The following CACNA2D3 variants were observed in gnomAD, a reference collection of about 807,000 sequenced individuals.
CACNA2D3 encodes calcium voltage-gated channel auxiliary subunit alpha2delta 3.
A neutral mutation model predicts 160.6 loss-of-function variants in CACNA2D3; 60 were observed. The ratio of observed to expected loss-of-function variants is 0.37; its 90% CI spans 0.30 to 0.46. The LOEUF (loss-of-function observed/expected upper bound fraction) is 0.46, where lower values mean the gene tolerates loss of function less well. Ranked by LOEUF, CACNA2D3 falls within the 20% of genes least tolerant of loss-of-function variation. The pLI is 1.00. For synonymous variants in CACNA2D3, 558 were observed against 492.9 expected (o/e 1.13, Z -1.75); for missense variants, 1,205 against 1,365.0 (o/e 0.88, Z 1.85).
chr3:54,407,253 T>C (rs529887262), intron 4 of CACNA2D3, among the ~76,000 whole-genome samples: 128 of 152,278 alleles, frequency 8.4e-4, no homozygotes, highest in Non-Finnish European at 1.6e-3. Flanking sequence ...GTGTTTTTCA[T>C]AGAGATAGGG....
intron 2 of CACNA2D3, among the ~76,000 whole-genome samples, chr3:54,266,111 T>C (rs905719439): frequency 6.6e-5 from 10 of 152,166 alleles, no homozygotes; most frequent in Non-Finnish European, 1.5e-4. Flanking sequence ...CTTAAATCAG[T>C]GACTTGGAAG....
At chr3:54,970,084 A>G (rs1338884927) in intron 29 of CACNA2D3, among the ~76,000 whole-genome samples, 1 of 152,122 alleles carries the variant, frequency 6.6e-6, no homozygotes, top group African/African-American at 2.4e-5. Context: ...CACTATTGGA[A>G]TTTTGACATT....
chr3:54,785,560 T>C (rs1654689111), intron 13 of CACNA2D3, among the ~76,000 whole-genome samples: 1 of 152,254 alleles, frequency 6.6e-6, no homozygotes, highest in South Asian at 2.1e-4. Flanking sequence ...TTTCTTTTGT[T>C]GTAAATTGCT....
chr3:54,159,617 C>T (rs1396086863), intron 2 of CACNA2D3, among the ~76,000 whole-genome samples: 1 of 152,154 alleles, frequency 6.6e-6, no homozygotes, highest in Non-Finnish European at 1.5e-5. Flanking sequence ...GCAATTATGA[C>T]AGAATCATCA....
At chr3:54,812,667 G>T (rs915417057) in intron 13 of CACNA2D3, among the ~76,000 whole-genome samples, 2 of 152,162 alleles carry the variant, frequency 1.3e-5, no homozygotes, top group African/African-American at 2.4e-5. Context: ...GGCCCATGAG[G>T]TCCCCAAGTC....
intron 3 of CACNA2D3, among the ~76,000 whole-genome samples, chr3:54,330,709 G>C (rs757516934): frequency 3.9e-4 from 59 of 152,238 alleles, no homozygotes; most frequent in Non-Finnish European, 6.5e-4. Context: ...TAGGGGAGCA[G>C]AGCCCTGCAG....
At chr3:54,132,863 T>C (rs1448963454) in intron 2 of CACNA2D3, among the ~76,000 whole-genome samples, 1 of 152,164 alleles carries the variant, frequency 6.6e-6, no homozygotes. Context: ...GCCTCAGTGT[T>C]CGCACCTCTC....
At chr3:54,503,828 C>G (rs1701328987) in intron 5 of CACNA2D3, among the ~76,000 whole-genome samples, 174 bp downstream of exon 5, 1 of 152,144 alleles carries the variant, frequency 6.6e-6, no homozygotes, top group African/African-American at 2.4e-5. Flanking sequence ...CCTGTTCTGC[C>G]TGGAGCTTCT....
intron 2 of CACNA2D3, among the ~76,000 whole-genome samples, chr3:54,282,171 A>T (rs985248783): frequency 7.2e-5 from 11 of 152,210 alleles, no homozygotes; most frequent in African/African-American, 2.4e-4. Flanking sequence ...TGAGAAAAAA[A>T]ATATTAAGCT....
chr3:54,925,518 A>G (rs1429936213), intron 27 of CACNA2D3, among the ~76,000 whole-genome samples: 1 of 152,206 alleles, frequency 6.6e-6, no homozygotes, highest in Non-Finnish European at 1.5e-5. Context: ...AGGGTGAAAA[A>G]AAATATTTGG....
At chr3:55,024,395 C>A (rs992886453) in intron 35 of CACNA2D3, among the ~76,000 whole-genome samples, 1 of 151,844 alleles carries the variant, frequency 6.6e-6, no homozygotes, top group Non-Finnish European at 1.5e-5. Flanking sequence ...TGTTGGTGTC[C>A]CCCCAAAATC....
intron 13 of CACNA2D3, among the ~76,000 whole-genome samples, chr3:54,787,770 TA>T (rs1702669481): frequency 6.6e-6 from 1 of 152,144 alleles, no homozygotes; most frequent in Non-Finnish European, 1.5e-5. Flanking sequence ...AGACGAAAGT[TA>T]GTGCTGTTTC....
At chr3:54,423,690 GTTT>G (rs1218334194) in intron 4 of CACNA2D3, among the ~76,000 whole-genome samples, 1 of 152,112 alleles carries the variant, frequency 6.6e-6, no homozygotes, top group Non-Finnish European at 1.5e-5. Context: ...AGCCTCTCTG[GTTT>G]TTCTGAGTAA....
At position 54,231,059 on chromosome 3, in the gene CACNA2D3, C is replaced by CA. The variant is rs139158367; in HGVS notation, c.205-89377dup. Among the ~76,000 whole-genome samples the CA allele has an allele frequency of 9.6e-4, 146 of 152,214 alleles. 4 individuals are homozygous for CA. In the East Asian group the frequency reaches 0.025, roughly 26 times the overall value. On this transcript the variant is annotated intron_variant, in intron 2 of 37. Transcript: ENST00000474759. Reference sequence around the variant, plus strand: ...TGTGTTGGCCACAGGCTGTGGTTTACAAAAAATATCCCCTCTGCTAACATG... The same window carrying CA: ...TGTGTTGGCCACAGGCTGTGGTTTACAAAAAAATATCCCCTCTGCTAACATG...
rs1356632799 is a variant in CACNA2D3, at chr3:54,585,829, T to G, written c.963+3952T>G. 3.3e-5 allele frequency among the ~76,000 whole-genome samples: 5 copies of G among 152,222 alleles called. No homozygotes were observed. The East Asian group carries it at 9.7e-4, about 29-fold the overall frequency. ...ATGGGAGCTCAAATTCAAGATGAGATTTGGGTGGGACACAGCCAAAATATA... is the reference window on the plus strand; with the variant it reads ...ATGGGAGCTCAAATTCAAGATGAGAGTTGGGTGGGACACAGCCAAAATATA... On this transcript the variant is annotated intron_variant, in intron 9 of 37. Transcript: ENST00000474759.
At chr3:54,602,391 G>A (rs1283891653) in intron 9 of CACNA2D3, among the ~76,000 whole-genome samples, 4 of 151,482 alleles carry the variant, frequency 2.6e-5, no homozygotes, top group East Asian at 1.9e-4. Flanking sequence ...CCAGCTACTC[G>A]GGAGGCTGAG....
Position 54,668,375 on chromosome 3 carries a change from G to C in CACNA2D3, c.1167+26134G>C, listed in dbSNP as rs900248591. Among the ~76,000 whole-genome samples the C allele has an allele frequency of 3.3e-4, 51 of 152,276 alleles. 1 individual carries two copies. The highest frequency in any genetic ancestry group is 1.2e-3 in the African/African-American group (51 of 41,552). Reference sequence around the variant, plus strand: ...CCTGCAGAGTTCAGGAGTGCTGCTGGAGCTAGGATGATGGGTCTAATACTC... The same window carrying C: ...CCTGCAGAGTTCAGGAGTGCTGCTGCAGCTAGGATGATGGGTCTAATACTC... On this transcript the variant is annotated intron_variant, in intron 11 of 37. Transcript: ENST00000474759.
intron 2 of CACNA2D3, among the ~76,000 whole-genome samples, chr3:54,271,691 G>C (rs1278124794): frequency 6.6e-6 from 1 of 152,168 alleles, no homozygotes; most frequent in African/African-American, 2.4e-5. Flanking sequence ...CCATGGATTT[G>C]TGGTGCTCTC....
At chr3:54,274,004 G>T (rs1370772785) in intron 2 of CACNA2D3, among the ~76,000 whole-genome samples, 6,703 of 151,946 alleles carry the variant, frequency 0.044, 538 homozygotes, top group African/African-American at 0.15. Flanking sequence ...GTTTGAGTGG[G>T]CGTATGGCTG....
Sources: allele counts gnomAD v4.1 joint callset (sites outside exome capture counted in the v4.1 genomes callset), GRCh38; gene constraint gnomAD v4.1.1; transcripts MANE v1.5; gene names NCBI Gene and HGNC (gene_info 2026-07-23, HGNC 2026-07-21).